The following ASPH variants were observed in gnomAD, a reference collection of about 807,000 sequenced individuals.
ASPH encodes the protein aspartate beta-hydroxylase.
Under a neutral mutation model 118.4 loss-of-function variants are expected in ASPH, and 100 were observed. The ratio of observed to expected loss-of-function variants is 0.84; its 90% CI spans 0.72 to 1.00. The LOEUF (loss-of-function observed/expected upper bound fraction) is 1.00, where lower values mean the gene tolerates loss of function less well. Among genes scored for constraint, ASPH ranks in the 50% least tolerant of loss-of-function variants. The pLI is 0.00. For synonymous variants in ASPH, 315 were observed against 325.6 expected (o/e 0.97, Z 0.35); for missense variants, 920 against 919.5 (o/e 1.00, Z -0.01).
intron 14 of ASPH, among the ~76,000 whole-genome samples, chr8:61,602,700 A>G (rs1844393465): frequency 6.6e-6 from 1 of 151,234 alleles, no homozygotes; most frequent in Admixed American, 6.6e-5. Context: ...AGGAGAAGTC[A>G]CAGAGCAGCA....
chr8:61,624,969 G>A, intron 13 of ASPH: 1 of 985,014 alleles, frequency 1.0e-6, no homozygotes, highest in Non-Finnish European at 1.2e-6. Context: ...TCACTACATT[G>A]TATAATAACT....
chr8:61,508,262 T>C (rs1807413006), intron 24 of ASPH, among the ~76,000 whole-genome samples: 1 of 152,142 alleles, frequency 6.6e-6, no homozygotes, highest in African/African-American at 2.4e-5. Flanking sequence ...ACAATTCTCC[T>C]GCTTTGGCCT....
intron 10 of ASPH, among the ~76,000 whole-genome samples, chr8:61,639,867 C>T (rs1431627421): frequency 6.6e-6 from 1 of 152,200 alleles, no homozygotes; most frequent in Non-Finnish European, 1.5e-5. Context: ...AGAGCACCCC[C>T]TGTCACCAGG....
chr8:61,669,738 ACAG>A lies in ASPH; in HGVS notation c.322+11227_322+11229del, dbSNP rs557657082. Among the ~76,000 whole-genome samples, 246 of 152,286 alleles carry A rather than the reference ACAG, an allele frequency of 1.6e-3. 1 individual carries two copies. Among genetic ancestry groups the A allele is most frequent in the African/African-American group, 5.3e-3 (222 of 41,572 alleles). On this transcript the variant is annotated intron_variant, in intron 3 of 24. Transcript: ENST00000379454. ...CCTCCTGACTCCTACATGTTCTCCCACAGCAGAACCAGATTTTCCTATTAAAAC... is the reference window on the plus strand; with the variant it reads ...CCTCCTGACTCCTACATGTTCTCCCACAGAACCAGATTTTCCTATTAAAAC...
chr8:61,638,234 A>AC, intron 11 of ASPH, 88 bp downstream of exon 11: 1 of 1,484,338 alleles, frequency 6.7e-7, no homozygotes, highest in Non-Finnish European at 9.2e-7. Flanking sequence ...TTTTTTCTAC[A>AC]CTGACTCTTT....
chr8:61,569,451 G>T (rs1256944343), intron 16 of ASPH, among the ~76,000 whole-genome samples: 3 of 152,024 alleles, frequency 2.0e-5, no homozygotes, highest in Admixed American at 6.6e-5. Flanking sequence ...TCAAAATAAA[G>T]TATCGCTCCA....
chr8:61,670,153 C>T (rs904679682), intron 3 of ASPH, among the ~76,000 whole-genome samples: 1 of 151,096 alleles, frequency 6.6e-6, no homozygotes, highest in African/African-American at 2.4e-5. Flanking sequence ...AGTATATAGA[C>T]ATGAAAAAAG....
rs1183786068 is a variant in ASPH at position 61,502,679 on chromosome 8, T to C, written c.*680A>G. On this transcript the variant is annotated 3_prime_UTR_variant, in exon 25 of 25. Transcript: ENST00000379454. ...AGGATTTTGTCAATATCTCCACCACTAGCATAGTGAGAAGAGGATCTCAAT... is the reference window on the plus strand; with the variant it reads ...AGGATTTTGTCAATATCTCCACCACCAGCATAGTGAGAAGAGGATCTCAAT... 6.6e-6 allele frequency: 1 copy of C among 152,186 alleles called. No individual in the cohort carries two copies. The highest frequency in any genetic ancestry group is 1.5e-5 in the Non-Finnish European group (1 of 68,028). The allele number at this position is 152,186 out of a possible 1,614,324, so 9.4% of individuals were successfully genotyped here.
chr8:61,552,959 CT>C (rs1339655044), intron 20 of ASPH, 71 bp downstream of exon 20: 57 of 1,300,980 alleles, frequency 4.4e-5, no homozygotes, highest in Admixed American at 1.8e-4. Context: ...TGAATTCTAA[CT>C]TTCCTAGAAA....
chr8:61,590,812 T>C (rs763568026), intron 14 of ASPH, among the ~76,000 whole-genome samples: 1 of 152,186 alleles, frequency 6.6e-6, no homozygotes, highest in East Asian at 1.9e-4. Context: ...TTTATCTTCC[T>C]GGAAAACCCT....
At chr8:61,570,019 T>A (rs1832974738) in intron 16 of ASPH, among the ~76,000 whole-genome samples, 1 of 152,220 alleles carries the variant, frequency 6.6e-6, no homozygotes, top group South Asian at 2.1e-4. Flanking sequence ...CTGAGAGTCC[T>A]TTCAAAACCA....
intron 5 of ASPH, among the ~76,000 whole-genome samples, chr8:61,649,578 G>T (rs1322307849): frequency 1.3e-5 from 2 of 152,096 alleles, no homozygotes. Context: ...TTAAAGAAAA[G>T]AACAAGTCCA....
At chr8:61,583,722 T>C (rs1187699275) in intron 15 of ASPH, among the ~76,000 whole-genome samples, 1 of 152,150 alleles carries the variant, frequency 6.6e-6, no homozygotes, top group Non-Finnish European at 1.5e-5. Flanking sequence ...GACACCCGCA[T>C]CGGCTGGCCT....
intron 1 of ASPH, among the ~76,000 whole-genome samples, chr8:61,704,426 A>G (rs1030295847): frequency 6.6e-6 from 1 of 151,936 alleles, no homozygotes. Flanking sequence ...AACTGAAACT[A>G]TAAAACTTCT....
intron 10 of ASPH, 70 bp from the exon 11 acceptor site, chr8:61,638,433 A>G (rs1858896663): frequency 3.0e-6 from 4 of 1,343,708 alleles, no homozygotes; most frequent in Non-Finnish European, 4.2e-6. Context: ...AACATGCTTT[A>G]AGGGCAGAGA....
chr8:61,653,455 T>C (rs1359251539), intron 4 of ASPH, 113 bp downstream of exon 4: 2 of 964,680 alleles, frequency 2.1e-6, no homozygotes, highest in African/African-American at 3.3e-5. Flanking sequence ...AAGTAGTTAA[T>C]TATTCTGTAA....
chr8:61,504,078 G>T (rs1805510722), intron 24 of ASPH, among the ~76,000 whole-genome samples: 1 of 152,106 alleles, frequency 6.6e-6, no homozygotes, highest in African/African-American at 2.4e-5. Flanking sequence ...TATGCAAGTG[G>T]GTTATCCATG....
At chr8:61,708,748 G>C (rs1055845775) in intron 1 of ASPH, among the ~76,000 whole-genome samples, 2 of 152,174 alleles carry the variant, frequency 1.3e-5, no homozygotes, top group Admixed American at 6.5e-5. Context: ...CTTAAGTACA[G>C]GATGAGTCAC....
intron 13 of ASPH, chr8:61,626,361 T>C (rs941014637): frequency 3.0e-5 from 41 of 1,354,038 alleles, no homozygotes; most frequent in Non-Finnish European, 3.7e-5. Context: ...TTCTACTTTT[T>C]AAAAAACCCA....
Sources: allele counts gnomAD v4.1 joint callset (sites outside exome capture counted in the v4.1 genomes callset), GRCh38; gene constraint gnomAD v4.1.1; transcripts MANE v1.5; gene names NCBI Gene and HGNC (gene_info 2026-07-23, HGNC 2026-07-21).